Variants in CSNK2A1 observed in about 807,000 individuals in gnomAD.
CSNK2A1 encodes casein kinase II subunit alpha.
CSNK2A1 carries 10 observed loss-of-function variants against 62.9 expected under a neutral mutation model. The ratio of observed to expected loss-of-function variants is 0.16; its 90% confidence interval spans 0.10 to 0.27. CSNK2A1 has a LOEUF of 0.27. CSNK2A1 is among the 10% of genes least tolerant of loss of function. CSNK2A1 has a pLI of 1.00. For missense variants in CSNK2A1, 160 were observed against 492.0 expected (o/e 0.33, Z 6.38); for synonymous variants, 124 against 167.8 (o/e 0.74, Z 2.02).
intron 2 of CSNK2A1, among the ~76,000 whole-genome samples, chr20:525,934 G>A (rs1189479271): frequency 6.6e-6 from 1 of 151,634 alleles, no homozygotes; most frequent in Non-Finnish European, 1.5e-5. Context: ...GAGCCTAGGA[G>A]GTGGAGGCTG....
chr20:493,192 T>G (rs1255025081), intron 8 of CSNK2A1, among the ~76,000 whole-genome samples: 1 of 152,214 alleles, frequency 6.6e-6, no homozygotes, highest in Non-Finnish European at 1.5e-5. Context: ...AGATTCACCC[T>G]GGATTCTTGA....
chr20:505,230 C>T lies in CSNK2A1; in HGVS notation c.102-1G>A. 1 of 1,611,160 alleles carries T rather than the reference C, an allele frequency of 6.2e-7. No homozygotes were observed. The highest frequency in any genetic ancestry group is 8.5e-7 in the Non-Finnish European group (1 of 1,178,186). On this transcript the variant is annotated splice_acceptor_variant, in intron 3 of 13. Coordinates refer to ENST00000217244, the MANE Select transcript of CSNK2A1 (RefSeq NM_177559.3). LOFTEE classifies it high-confidence loss of function. Reference sequence around the variant, plus strand: ...AACCAGCTGGTAGTCATCTTGATTTCTGTGGACACAAACAAAATGACTTAT... The same window carrying T: ...AACCAGCTGGTAGTCATCTTGATTTTTGTGGACACAAACAAAATGACTTAT...
Position 487,285 on chromosome 20 carries a change from C to T in CSNK2A1, c.973+142G>A, listed in dbSNP as rs117268510. On this transcript the variant is annotated intron_variant, in intron 12 of 13. Coordinates refer to ENST00000217244, the MANE Select transcript of CSNK2A1 (RefSeq NM_177559.3). ...TCCAGTAATTCTGCAATGTAGTTGC[C>T]ATCACTATCCCCACTGGAAGAATCT... 7.8e-4 allele frequency: 889 copies of T among 1,145,346 alleles called. 13 individuals are homozygous for T. In the East Asian group the frequency reaches 0.02, roughly 26 times the overall value. The allele number at this position is 1,145,346 out of a possible 1,614,324, so 70.9% of individuals were successfully genotyped here. A position where few individuals can be genotyped will look rare whatever the true frequency, so the allele number is the denominator to read the frequency against.
intron 1 of CSNK2A1, among the ~76,000 whole-genome samples, chr20:528,684 A>G (rs1393769550): frequency 1.3e-5 from 2 of 151,558 alleles, no homozygotes; most frequent in Admixed American, 1.3e-4. Context: ...CTGGTCTGGA[A>G]GTCCTAAGCT....
chr20:535,069 T>G (rs910218240), intron 1 of CSNK2A1, among the ~76,000 whole-genome samples: 1 of 143,380 alleles, frequency 7.0e-6, no homozygotes, highest in Non-Finnish European at 1.5e-5. Context: ...AAAAAAAATT[T>G]CTTCGGACCA....
Position 474,061 on chromosome 20 carries a change from T to A in CSNK2A1, c.*9900A>T, listed in dbSNP as rs2017802991. 1 of 152,176 alleles carries A rather than the reference T, an allele frequency of 6.6e-6. No individual in the cohort carries two copies. Among genetic ancestry groups the A allele is most frequent in the African/African-American group, 2.4e-5 (1 of 41,428 alleles). 9.4% of individuals were successfully genotyped at this position (152,176 alleles called of 1,614,324 possible). A position where few individuals can be genotyped will look rare whatever the true frequency, so the allele number is the denominator to read the frequency against. ...GCAAGGGACTGAGATAAAATTTATT[T>A]ATTATTTTTAAGAGAGAGGTTCTCA... On this transcript the variant is annotated 3_prime_UTR_variant, in exon 14 of 14. Transcript: ENST00000217244.
intron 2 of CSNK2A1, among the ~76,000 whole-genome samples, chr20:516,430 C>T (rs2018830160): frequency 6.6e-6 from 1 of 152,158 alleles, no homozygotes; most frequent in African/African-American, 2.4e-5. Flanking sequence ...TCGAAGCCAA[C>T]TGCATGGGTC....
intron 8 of CSNK2A1, among the ~76,000 whole-genome samples, chr20:493,324 T>A (rs2018273875): frequency 1.3e-5 from 2 of 152,212 alleles, no homozygotes; most frequent in Non-Finnish European, 2.9e-5. Flanking sequence ...TTGTTTGATA[T>A]ATTGCCATAG....
intron 6 of CSNK2A1, chr20:498,046 T>C (rs1407779930): frequency 1.2e-5 from 4 of 328,956 alleles, no homozygotes; most frequent in Non-Finnish European, 2.3e-5. Flanking sequence ...TACGTTAATA[T>C]GCACTGACAC....
rs11469217 is a variant in CSNK2A1, at chr20:535,034, C to CAA, written c.-226-6987_-226-6986dup. Among the ~76,000 whole-genome samples the CAA allele has an allele frequency of 5.9e-3, 301 of 50,790 alleles. 3 individuals carry two copies. The highest frequency in any genetic ancestry group is 0.012 in the African/African-American group (138 of 11,760). 33.3% of individuals were successfully genotyped at this position (50,790 alleles called of 152,430 possible). A position where few individuals can be genotyped will look rare whatever the true frequency, so the allele number is the denominator to read the frequency against. ...GGCAACAGAGTGAGATGCTATCTCC[C>CAA]AAAAAAAAAAAAAAAAAAAAAAAAA... On this transcript the variant is annotated intron_variant, in intron 1 of 13. Transcript: ENST00000217244.
rs750062577 is a variant in CSNK2A1 at position 478,765 on chromosome 20, C to CA, written c.*5195dup. 16,362 of 175,478 alleles carry CA rather than the reference C, an allele frequency of 0.093. 840 individuals carry two copies. The highest frequency in any genetic ancestry group is 0.18 in the African/African-American group (5,866 of 31,794). The allele number at this position is 175,478 out of a possible 1,614,324, so 10.9% of individuals were successfully genotyped here. A position where few individuals can be genotyped will look rare whatever the true frequency, so the allele number is the denominator to read the frequency against. ...CAACACGGCAAAACTTCATCTCTAC[C>CA]AAAAAAAAAAAAAAAAAAATTAGCC... On this transcript the variant is annotated 3_prime_UTR_variant, in exon 14 of 14. Transcript: ENST00000217244.
chr20:486,458 A>G lies in CSNK2A1; in HGVS notation c.978T>C (p.Thr326=). 6.2e-7 allele frequency: 1 copy of G among 1,613,482 alleles called. No individual in the cohort carries two copies. Among genetic ancestry groups the G allele is most frequent in the Non-Finnish European group, 8.5e-7 (1 of 1,179,878 alleles). ...REAMEHPYFY[T]VVKDQARMGS... is the part of the protein sequence containing the mutation. ...CCATTCGAGCCTGGTCCTTCACAAC[A>G]GTGTCTAGAAAAGAGACAAAAAGGC... Residue 326 remains threonine, a synonymous_variant, in exon 13 of 14, where the codon ACT becomes ACC. Transcript: ENST00000217244.
chr20:494,656 A>G (rs1164418243), intron 8 of CSNK2A1: 1 of 152,248 alleles, frequency 6.6e-6, no homozygotes, highest in Non-Finnish European at 1.5e-5. Flanking sequence ...AGCTTAGAAT[A>G]TGCAAAAGCT....
At chr20:503,852 A>G (rs2018519318) in intron 4 of CSNK2A1, among the ~76,000 whole-genome samples, 1 of 152,232 alleles carries the variant, frequency 6.6e-6, no homozygotes, top group African/African-American at 2.4e-5. Context: ...TATGTGAATA[A>G]CTTTTTAAAT....
chr20:535,138 T>C (rs1399617912), intron 1 of CSNK2A1, among the ~76,000 whole-genome samples: 2 of 150,026 alleles, frequency 1.3e-5, no homozygotes, highest in African/African-American at 4.9e-5. Flanking sequence ...AGAGGACTGC[T>C]TGAGCCCAGG....
chr20:525,673 A>C (rs1182651904), intron 2 of CSNK2A1, among the ~76,000 whole-genome samples: 1 of 147,978 alleles, frequency 6.8e-6, no homozygotes. Flanking sequence ...AAAAAGAAAA[A>C]AAAAATAATA....
rs2017844854 is a variant in CSNK2A1 at position 476,156 on chromosome 20, CTTG to C, written c.*7802_*7804del. 1 of 152,404 alleles carries C rather than the reference CTTG, an allele frequency of 6.6e-6. No homozygotes were observed. 9.4% of individuals were successfully genotyped at this position (152,404 alleles called of 1,614,324 possible). Reference sequence around the variant, plus strand: ...CAGGCATGGGCCTTGGCAGCTGAAACTTGTTAGGCTGGGCCTCTCCCTCGCCAG... The same window carrying C: ...CAGGCATGGGCCTTGGCAGCTGAAACTTAGGCTGGGCCTCTCCCTCGCCAG... On this transcript the variant is annotated 3_prime_UTR_variant, in exon 14 of 14. Coordinates refer to ENST00000217244, the MANE Select transcript of CSNK2A1 (RefSeq NM_177559.3).
At position 499,355 on chromosome 20, in the gene CSNK2A1, A is replaced by G. The variant is rs539587752; in HGVS notation, c.316-50T>C. The G allele has an allele frequency of 3.2e-6, 5 of 1,562,718 alleles. 1 individual carries two copies. In the South Asian group the frequency reaches 5.8e-5, roughly 18 times the overall value. ...AACACACATTAGCAATAGCCCTGACAGCTTTAATGGGGACAATGTTTGCGG... is the reference window on the plus strand; with the variant it reads ...AACACACATTAGCAATAGCCCTGACGGCTTTAATGGGGACAATGTTTGCGG... On this transcript the variant is annotated intron_variant, in intron 5 of 13. Coordinates refer to ENST00000217244, the MANE Select transcript of CSNK2A1 (RefSeq NM_177559.3). The surrounding 1 kb of genome is among the most constrained non-coding windows in gnomAD (Gnocchi z 4.2).
chr20:536,385 A>T (rs544383778), intron 1 of CSNK2A1, among the ~76,000 whole-genome samples: 1 of 152,364 alleles, frequency 6.6e-6, no homozygotes, highest in East Asian at 1.9e-4. Flanking sequence ...TTTCTCCTTT[A>T]ATCCTCAATA....
Sources: allele counts gnomAD v4.1 joint callset (sites outside exome capture counted in the v4.1 genomes callset), GRCh38; gene constraint gnomAD v4.1.1; non-coding constraint Gnocchi (gnomAD v3.1); transcripts MANE v1.5; gene names NCBI Gene and HGNC (gene_info 2026-07-23, HGNC 2026-07-21).